Variants in ATG2A observed in about 807,000 individuals in gnomAD.
ATG2A encodes the protein autophagy-related protein 2 homolog A.
ATG2A carries 103 observed loss-of-function variants against 214.2 expected under a neutral mutation model. The observed-to-expected ratio is 0.48, with a 90% confidence interval of 0.41 to 0.57. The LOEUF (loss-of-function observed/expected upper bound fraction) is 0.57. Among genes scored for constraint, ATG2A ranks in the 20% least tolerant of loss-of-function variants. The probability of loss-of-function intolerance (pLI) is 0.00; values close to 1 mark genes in which losing one functional copy is unlikely to be tolerated. For missense variants in ATG2A, 2,312 were observed against 2,613.2 expected, an observed-to-expected ratio of 0.88 and a Z score of 2.51; for synonymous variants, 1,160 against 1,142.1, an observed-to-expected ratio of 1.02 and a Z score of -0.32.
Position 64,903,357 on chromosome 11 carries a change from G to A in ATG2A, c.3543C>T (p.Val1181=). The A allele has an allele frequency of 6.2e-7, 1 of 1,614,096 alleles. No individual in the cohort carries two copies. The highest frequency in any genetic ancestry group is 1.1e-5 in the South Asian group (1 of 91,086). The part of the protein sequence containing the change: ...VETLDLRRDY[V]CVLDVDLLEL... ...CCAAGAGGTCAACATCCAAAACACA[G>A]ACATAATCTGCAGCAGAGGCGAGAG... The change falls in exon 26 of 41, where the codon GTC becomes GTT. Residue 1181 remains valine (V), a synonymous_variant. Coordinates refer to ENST00000377264, the MANE Select transcript of ATG2A (RefSeq NM_015104.3). This position sits in a 1 kb window ranked among gnomAD's most constrained non-coding sequence, Gnocchi z 4.2.
At position 64,894,598 on chromosome 11, in the gene ATG2A, G is replaced by A. The variant is rs1237052825; in HGVS notation, c.*375C>T. The A allele has an allele frequency of 2.0e-5, 10 of 512,094 alleles. No homozygotes were observed. Among genetic ancestry groups the A allele is most frequent in the Admixed American group, 9.1e-5 (4 of 44,112 alleles). The allele number at this position is 512,094 out of a possible 1,614,324, so 31.7% of individuals were successfully genotyped here. ...TGCAGACACTGACCCACGCACTCAC[G>A]GAGCTTAAAAATAATACATCGAACC... On this transcript the variant is annotated 3_prime_UTR_variant, in exon 41 of 41. Coordinates refer to ENST00000377264, the MANE Select transcript of ATG2A (RefSeq NM_015104.3).
chr11:64,903,402 T>G lies in ATG2A; in HGVS notation c.3536-38A>C. ...CGAGAGAAAGGTCCTGTGGCCCCCT[T>G]CCACCCGGCCCCGGCCCCAGCACCT... On this transcript the variant is annotated intron_variant, in intron 25 of 40. Transcript: ENST00000377264. The surrounding 1 kb of genome is among the most constrained non-coding windows in gnomAD (Gnocchi z 4.2). 6.2e-7 allele frequency: 1 copy of G among 1,609,250 alleles called. No individual in the cohort carries two copies. Among genetic ancestry groups the G allele is most frequent in the Non-Finnish European group, 8.5e-7 (1 of 1,176,148 alleles).
chr11:64,903,682 A>G lies in ATG2A; in HGVS notation c.3465-22T>C. 6.5e-7 allele frequency: 1 copy of G among 1,546,104 alleles called. No homozygotes were observed. Among genetic ancestry groups the G allele is most frequent in the Non-Finnish European group, 8.7e-7 (1 of 1,143,996 alleles). On this transcript the variant is annotated intron_variant, in intron 24 of 40. Coordinates refer to ENST00000377264, the MANE Select transcript of ATG2A (RefSeq NM_015104.3). This position sits in a 1 kb window ranked among gnomAD's most constrained non-coding sequence, Gnocchi z 4.2. ...GAACCTGGGGGGGAACAGGGCTGAG[A>G]AGGGCCCGGGCACCGCTGCAGGGGG...
In ATG2A at chr11:64,902,631, T is replaced by C; in HGVS notation, c.3662A>G (p.His1221Arg). Reference sequence around the variant, plus strand: ...CAGGGCACAGGAGTCGGCACAGCTGTGCACGTGTACCACATTGTTGGAGCA... The same window carrying C: ...CAGGGCACAGGAGTCGGCACAGCTGCGCACGTGTACCACATTGTTGGAGCA... The part of the protein sequence containing the change: ...LRCSNNVVHV[H>R]SCADSCALLV... The change falls in exon 27 of 41, where the codon CAC becomes CGC. Residue 1221 changes from histidine (H) to arginine (R), a missense_variant. Transcript: ENST00000377264. 1 of 1,611,052 alleles carries C rather than the reference T, an allele frequency of 6.2e-7. No individual in the cohort carries two copies. The highest frequency in any genetic ancestry group is 8.5e-7 in the Non-Finnish European group (1 of 1,179,838).
Position 64,917,097 on chromosome 11 carries a change from T to G in ATG2A, c.39A>C (p.Lys13Asn), listed in dbSNP as rs1189896155. Residue 13 changes from lysine (K) to asparagine (N), a missense_variant, in exon 1 of 41, where the codon AAA becomes AAC. Lys to Asn is a moderately conservative substitution (Grantham distance 94). Coordinates refer to ENST00000377264, the MANE Select transcript of ATG2A (RefSeq NM_015104.3). The part of the protein sequence containing the change: ...RWLWPWSNCV[K>N]ERVCRYLLHH... ...GCAGCAAGTAGCGGCAGACCCGCTC[T>G]TTCACACAGTTTGACCATGGCCACA... 2 of 1,613,052 alleles carry G rather than the reference T, an allele frequency of 1.2e-6. No homozygotes were observed. The highest frequency in any genetic ancestry group is 1.7e-5 in the Admixed American group (1 of 60,022).
At position 64,913,101 on chromosome 11, in the gene ATG2A, G is replaced by C. The variant is rs768552428; in HGVS notation, c.762C>G (p.Ser254Arg). 1 of 1,575,848 alleles carries C rather than the reference G, an allele frequency of 6.3e-7. No individual in the cohort carries two copies. Among genetic ancestry groups the C allele is most frequent in the East Asian group, 2.3e-5 (1 of 43,816 alleles). The change falls in exon 6 of 41, where the codon AGC (serine) becomes AGG (arginine). Residue 254 changes from serine (S) to arginine (R), a missense_variant. By Grantham distance (110) the Ser-to-Arg change is moderately radical. Coordinates refer to ENST00000377264, the MANE Select transcript of ATG2A (RefSeq NM_015104.3). The surrounding 1 kb of genome is among the most constrained non-coding windows in gnomAD (Gnocchi z 4.3). ...EPPEPPLQIG[S>R]CSGYMELMVK... The stretch of plus-strand genomic sequence containing the variant: ...CCATCAGCTCCATGTACCCTGAGCA[G>C]CTGCCGATCTGCAAGGGGGGCTCTG...
intron 37 of ATG2A, 189 bp downstream of exon 37, chr11:64,897,223 G>C (rs1186827033): frequency 1.2e-5 from 8 of 685,446 alleles, no homozygotes; most frequent in Non-Finnish European, 1.9e-5. Flanking sequence ...GTTTCACCAT[G>C]TTGGTCAGGC....
chr11:64,914,906 T>TG (rs1210926504), intron 1 of ATG2A, among the ~76,000 whole-genome samples: 1 of 40,420 alleles, frequency 2.5e-5, no homozygotes, highest in South Asian at 1.0e-3. Flanking sequence ...AGGGGGCTGG[T>TG]GGGGGGGCCG....
intron 16 of ATG2A, 79 bp downstream of exon 16, chr11:64,908,912 C>A: frequency 6.6e-7 from 1 of 1,513,884 alleles, no homozygotes; most frequent in Non-Finnish European, 8.9e-7. Context: ...TGGCCCACAG[C>A]CACACAGGTG....
At position 64,907,261 on chromosome 11, in the gene ATG2A, C is replaced by T; in HGVS notation, c.2826G>A (p.Glu942=). Residue 942 remains glutamate, a synonymous_variant, in exon 19 of 41, where the codon GAG becomes GAA. Coordinates refer to ENST00000377264, the MANE Select transcript of ATG2A (RefSeq NM_015104.3). ...TGCCCGGGGCTGCACTCACCTTGGT[C>T]TCACAGAGGGCTGTGATCCGCCCCT... ...VLKGRITALC[E]TKDEGGKRLE... is the part of the protein sequence containing the mutation. The T allele has an allele frequency of 2.7e-6, 4 of 1,504,766 alleles. No individual in the cohort carries two copies. Among genetic ancestry groups the T allele is most frequent in the Non-Finnish European group, 3.6e-6 (4 of 1,124,774 alleles). 93.2% of individuals were successfully genotyped at this position (1,504,766 alleles called of 1,614,324 possible). A position where few individuals can be genotyped will look rare whatever the true frequency, so the allele number is the denominator to read the frequency against.
At chr11:64,912,561 C>T (rs1240728751) in intron 6 of ATG2A, 138 bp from the exon 7 acceptor site, 2 of 687,566 alleles carry the variant, frequency 2.9e-6, no homozygotes, top group Non-Finnish European at 4.8e-6. Flanking sequence ...GCTCTATGAA[C>T]CAGGCCACAA....
At chr11:64,908,126 G>A (rs1423300193) in intron 16 of ATG2A, among the ~76,000 whole-genome samples, 1 of 152,204 alleles carries the variant, frequency 6.6e-6, no homozygotes, top group African/African-American at 2.4e-5. Flanking sequence ...TGTGACACAG[G>A]TTATGGTTAG....
chr11:64,895,567 G>A lies in ATG2A; in HGVS notation c.5428-125C>T. The A allele has an allele frequency of 8.7e-7, 1 of 1,149,042 alleles. No individual in the cohort carries two copies. The highest frequency in any genetic ancestry group is 1.2e-6 in the Non-Finnish European group (1 of 839,448). 71.2% of individuals were successfully genotyped at this position (1,149,042 alleles called of 1,614,324 possible). A position where few individuals can be genotyped will look rare whatever the true frequency, so the allele number is the denominator to read the frequency against. Reference sequence around the variant, plus strand: ...CTGCCTGTCACTGTGCTGGCCTAGGGGGTCCTGCTCAGCCTCACTCCCCAC... The same window carrying A: ...CTGCCTGTCACTGTGCTGGCCTAGGAGGTCCTGCTCAGCCTCACTCCCCAC... On this transcript the variant is annotated intron_variant, in intron 39 of 40. Transcript: ENST00000377264. This position sits in a 1 kb window ranked among gnomAD's most constrained non-coding sequence, Gnocchi z 5.0.
In ATG2A at chr11:64,909,801, C is replaced by G. The variant is rs61746813; in HGVS notation, c.1987G>C (p.Ala663Pro). ...AGCCGAAGCTGCTCAGCCCGCACGGCCTGGCCCGCCCAGGGGTCCGGCTCA... is the reference window on the plus strand; with the variant it reads ...AGCCGAAGCTGCTCAGCCCGCACGGGCTGGCCCGCCCAGGGGTCCGGCTCA... The part of the protein sequence containing the change: ...RPEPDPWAGQ[A>P]VRAEQLRLEL... The change falls in exon 14 of 41, where the codon GCC becomes CCC. Residue 663 changes from alanine to proline, a missense_variant. By Grantham distance (27) the Ala-to-Pro change is conservative. Coordinates refer to ENST00000377264, the MANE Select transcript of ATG2A (RefSeq NM_015104.3). 11 of 1,611,868 alleles carry G rather than the reference C, an allele frequency of 6.8e-6. No homozygotes were observed. The South Asian group carries it at 8.8e-5, about 13-fold the overall frequency.
chr11:64,910,515 G>A lies in ATG2A; in HGVS notation c.1707+101C>T, dbSNP rs1438187525. The A allele has an allele frequency of 6.7e-6, 9 of 1,345,392 alleles. No homozygotes were observed. The Admixed American group carries it at 8.0e-5, about 12-fold the overall frequency. 83.3% of individuals were successfully genotyped at this position (1,345,392 alleles called of 1,614,324 possible). A position where few individuals can be genotyped will look rare whatever the true frequency, so the allele number is the denominator to read the frequency against. The stretch of plus-strand genomic sequence containing the variant: ...GCATGGAGAGATGTGGAGCACAGGG[G>A]AAGAGGGACAGGGCTGGGCAGCAGA... On this transcript the variant is annotated intron_variant, in intron 12 of 40. Transcript: ENST00000377264.
At chr11:64,911,660 A>G (rs1321618498) in intron 9 of ATG2A, among the ~76,000 whole-genome samples, 182 bp downstream of exon 9, 1 of 151,948 alleles carries the variant, frequency 6.6e-6, no homozygotes, top group African/African-American at 2.4e-5. Context: ...TGACTGAAAA[A>G]CCTAGGCTCT....
Position 64,908,953 on chromosome 11 carries a change from G to A in ATG2A, c.2364+38C>T, listed in dbSNP as rs756213562. 1.9e-5 allele frequency: 29 copies of A among 1,543,260 alleles called. No individual in the cohort carries two copies. In the Admixed American group the frequency reaches 2.4e-4, roughly 13 times the overall value. ...TACGGCAGGAACCCGGGCGGTGGGC[G>A]GGAGGGGGTCCTGGGAAGAGGTGGG... is the stretch of plus-strand genomic sequence containing the variant. On this transcript the variant is annotated intron_variant, in intron 16 of 40. Coordinates refer to ENST00000377264, the MANE Select transcript of ATG2A (RefSeq NM_015104.3).
chr11:64,902,757 G>A (rs925170183), intron 26 of ATG2A, 77 bp from the exon 27 acceptor site: 23 of 1,382,042 alleles, frequency 1.7e-5, no homozygotes, highest in Non-Finnish European at 2.0e-5. Context: ...CTCGCTGGGA[G>A]GGCACCGCAG....
chr11:64,901,282 C>G (rs536030599), intron 29 of ATG2A, among the ~76,000 whole-genome samples, 190 bp from the exon 30 acceptor site: 39 of 152,282 alleles, frequency 2.6e-4, no homozygotes, highest in African/African-American at 8.7e-4. Context: ...CTCCTAGGCT[C>G]AAGCGATCCT....
Sources: gnomAD v4.1 joint callset for allele counts (sites outside exome capture counted in the v4.1 genomes callset) on GRCh38, gnomAD v4.1.1 for gene constraint, Gnocchi (gnomAD v3.1) non-coding constraint, MANE v1.5 for transcripts, NCBI Gene and HGNC (gene_info 2026-07-23, HGNC 2026-07-21) for gene names.